GRID2: variants seen among roughly 807,000 people sequenced by gnomAD.
GRID2 encodes the protein glutamate ionotropic receptor delta type subunit 2, also known as glutamate receptor ionotropic, delta-2.
In GRID2, 33 loss-of-function variants were observed where a neutral mutation model predicts 114.8. That is an observed-to-expected ratio of 0.29 (90% confidence interval 0.22 to 0.38). The LOEUF is 0.38. GRID2 is among the 10% of genes least tolerant of loss of function. The pLI, the probability that GRID2 is intolerant of heterozygous loss-of-function variation, is 1.00. For synonymous variants in GRID2, 505 were observed against 449.9 expected (o/e 1.12, Z -1.55); for missense variants, 1,184 against 1,257.7 (o/e 0.94, Z 0.89).
At chr4:92,935,758 T>C (rs373884939) in intron 2 of GRID2, among the ~76,000 whole-genome samples, 1 of 145,576 alleles carries the variant, frequency 6.9e-6, no homozygotes, top group Non-Finnish European at 1.5e-5. Flanking sequence ...AATTGGAAAT[T>C]ATCATTCTGA....
intron 1 of GRID2, among the ~76,000 whole-genome samples, chr4:92,398,066 T>C (rs987005163): frequency 6.6e-6 from 1 of 152,128 alleles, no homozygotes; most frequent in African/African-American, 2.4e-5. Flanking sequence ...CAAAATAATA[T>C]ATGCAGAGAC....
At chr4:93,221,127 C>T (rs990687832) in intron 6 of GRID2, among the ~76,000 whole-genome samples, 1 of 152,050 alleles carries the variant, frequency 6.6e-6, no homozygotes, top group Non-Finnish European at 1.5e-5. Flanking sequence ...ATCGTGGTCT[C>T]TATGTCAGAA....
At chr4:93,004,734 T>C (rs1487769803) in intron 2 of GRID2, among the ~76,000 whole-genome samples, 1 of 151,978 alleles carries the variant, frequency 6.6e-6, no homozygotes, top group African/African-American at 2.4e-5. Flanking sequence ...TTCACTTGTG[T>C]TTCTCTCTTC....
chr4:92,521,497 CATTT>C (rs1290775325), intron 1 of GRID2, among the ~76,000 whole-genome samples: 1 of 151,932 alleles, frequency 6.6e-6, no homozygotes, highest in Non-Finnish European at 1.5e-5. Flanking sequence ...ATTTACTAAA[CATTT>C]AATTCACTGA....
chr4:92,432,408 A>G (rs988917140), intron 1 of GRID2, among the ~76,000 whole-genome samples: 3 of 152,088 alleles, frequency 2.0e-5, no homozygotes, highest in African/African-American at 7.2e-5. Context: ...AACCTTAGGA[A>G]TCTACTTGGT....
intron 10 of GRID2, among the ~76,000 whole-genome samples, chr4:93,450,659 G>A (rs1282051034): frequency 6.6e-6 from 1 of 151,610 alleles, no homozygotes; most frequent in East Asian, 1.9e-4. Context: ...CATGACTTGA[G>A]AGAATGCAAA....
chr4:93,247,782 G>A (rs1403705564), intron 8 of GRID2, among the ~76,000 whole-genome samples: 1 of 151,692 alleles, frequency 6.6e-6, no homozygotes, highest in Non-Finnish European at 1.5e-5. Flanking sequence ...ATATTCCCCT[G>A]GAGAACCCTG....
intron 11 of GRID2, among the ~76,000 whole-genome samples, chr4:93,485,406 T>C (rs1438077822): frequency 6.6e-6 from 1 of 151,792 alleles, no homozygotes; most frequent in East Asian, 1.9e-4. Flanking sequence ...ATCAATCTTT[T>C]CTTTTGTGTT....
At chr4:93,763,786 G>T (rs1733408113) in intron 14 of GRID2, among the ~76,000 whole-genome samples, 1 of 152,096 alleles carries the variant, frequency 6.6e-6, no homozygotes, top group Admixed American at 6.6e-5. Context: ...AGAAACAGAC[G>T]GGGAAGCAAT....
At chr4:93,528,060 A>T (rs1731090063) in intron 13 of GRID2, among the ~76,000 whole-genome samples, 1 of 152,086 alleles carries the variant, frequency 6.6e-6, no homozygotes, top group Admixed American at 6.6e-5. Flanking sequence ...TTAAGGCTAA[A>T]TAATATTCTG....
chr4:93,162,608 T>A (rs748393261), intron 4 of GRID2, among the ~76,000 whole-genome samples: 33 of 152,102 alleles, frequency 2.2e-4, no homozygotes, highest in Non-Finnish European at 3.5e-4. Flanking sequence ...ATTATACAAC[T>A]GGACTAATGA....
intron 4 of GRID2, among the ~76,000 whole-genome samples, chr4:93,168,027 C>T (rs368531558): frequency 5.9e-5 from 9 of 151,992 alleles, no homozygotes; most frequent in African/African-American, 1.9e-4. Flanking sequence ...AAGAAACCAT[C>T]TCTACTAAAA....
intron 8 of GRID2, among the ~76,000 whole-genome samples, chr4:93,393,082 C>T (rs985654071): frequency 6.6e-6 from 1 of 151,586 alleles, no homozygotes; most frequent in Admixed American, 6.6e-5. Context: ...TTAGTTATAC[C>T]CCATTATCAT....
chr4:92,511,346 A>G (rs954323992), intron 1 of GRID2, among the ~76,000 whole-genome samples: 3 of 151,862 alleles, frequency 2.0e-5, no homozygotes, highest in African/African-American at 7.2e-5. Flanking sequence ...TAATCCGTTC[A>G]TGAAGAATCT....
chr4:93,112,191 G>A (rs937425265), intron 4 of GRID2: 1 of 152,152 alleles, frequency 6.6e-6, no homozygotes, highest in Admixed American at 6.6e-5. Context: ...GGCGGTTGAA[G>A]CATCTATGGT....
chr4:93,091,427 A>G (rs1024213694), intron 3 of GRID2, among the ~76,000 whole-genome samples: 1 of 152,144 alleles, frequency 6.6e-6, no homozygotes, highest in African/African-American at 2.4e-5. Flanking sequence ...TAAGACACTT[A>G]TCCTAGTTTG....
intron 4 of GRID2, among the ~76,000 whole-genome samples, chr4:93,194,554 A>C (rs1741296211): frequency 6.6e-6 from 1 of 152,146 alleles, no homozygotes; most frequent in Non-Finnish European, 1.5e-5. Context: ...TAATCCTAAT[A>C]AGTATCCGGT....
chr4:93,345,507 C>A (rs1760133119), intron 8 of GRID2, among the ~76,000 whole-genome samples: 2 of 151,956 alleles, frequency 1.3e-5, no homozygotes, highest in Non-Finnish European at 2.9e-5. Flanking sequence ...TGTTTTCTTG[C>A]TATTGAGTTG....
At chr4:92,992,759 A>T (rs1754982504) in intron 2 of GRID2, among the ~76,000 whole-genome samples, 1 of 152,194 alleles carries the variant, frequency 6.6e-6, no homozygotes, top group African/African-American at 2.4e-5. Context: ...TTACCAGTAG[A>T]TAATAATGAA....
Sources: allele counts gnomAD v4.1 joint callset (sites outside exome capture counted in the v4.1 genomes callset), GRCh38; gene constraint gnomAD v4.1.1; transcripts MANE v1.5; gene names NCBI Gene and HGNC (gene_info 2026-07-23, HGNC 2026-07-21).